Variants in CCND3 observed in about 807,000 individuals in gnomAD.
CCND3 encodes the protein G1/S-specific cyclin-D3.
A neutral mutation model predicts 28.7 loss-of-function variants in CCND3; 9 were observed. The ratio of observed to expected loss-of-function variants is 0.31; its 90% CI spans 0.19 to 0.55. The LOEUF is 0.55. Among genes scored for constraint, CCND3 ranks in the 20% least tolerant of loss-of-function variants. The pLI is 0.93. For missense variants in CCND3, 315 were observed against 385.8 expected (o/e 0.82, Z 1.54); for synonymous variants, 164 against 163.9 (o/e 1.00, Z 0.00).
At chr6:41,972,220 T>C (rs1762050532) in intron 1 of CCND3, among the ~76,000 whole-genome samples, 1 of 33,330 alleles carries the variant, frequency 3.0e-5, no homozygotes, top group East Asian at 7.6e-4. Context: ...AGAGCGAGAC[T>C]CCATCTCAAA....
At chr6:41,999,974 A>G (rs1386917019) in intron 1 of CCND3, among the ~76,000 whole-genome samples, 2 of 152,098 alleles carry the variant, frequency 1.3e-5, no homozygotes, top group Admixed American at 6.6e-5. Flanking sequence ...GGCACACAAA[A>G]TTCGGTAGGG....
chr6:41,949,084 C>T (rs1453816755), intron 1 of CCND3, among the ~76,000 whole-genome samples: 1 of 152,182 alleles, frequency 6.6e-6, no homozygotes, highest in Non-Finnish European at 1.5e-5. Flanking sequence ...CATGATGGCT[C>T]ACGCCTGCAA....
At chr6:41,967,594 G>A (rs970909630) in intron 1 of CCND3, among the ~76,000 whole-genome samples, 16 of 152,170 alleles carry the variant, frequency 1.1e-4, no homozygotes, top group African/African-American at 3.4e-4. Flanking sequence ...CAACGCTTCC[G>A]GGTAGAGCCC....
intron 1 of CCND3, among the ~76,000 whole-genome samples, chr6:42,016,269 T>G (rs2127430677): frequency 6.6e-6 from 1 of 152,320 alleles, no homozygotes; most frequent in South Asian, 2.1e-4. Flanking sequence ...GTCACCATGT[T>G]GTACGATACG....
At chr6:41,984,682 C>T (rs568792100) in intron 1 of CCND3, among the ~76,000 whole-genome samples, 30 of 152,264 alleles carry the variant, frequency 2.0e-4, no homozygotes, top group African/African-American at 7.0e-4. Flanking sequence ...AAGGAATCAC[C>T]ATACTTTCCT....
chr6:42,044,227 G>A (rs1764458930), intron 1 of CCND3, among the ~76,000 whole-genome samples: 1 of 152,258 alleles, frequency 6.6e-6, no homozygotes, highest in South Asian at 2.1e-4. Flanking sequence ...CACCTTTTAC[G>A]GGGGCTTTGC....
intron 1 of CCND3, among the ~76,000 whole-genome samples, chr6:41,987,813 T>G (rs528038577): frequency 6.6e-6 from 1 of 151,918 alleles, no homozygotes; most frequent in Admixed American, 6.6e-5. Context: ...CGGAATTTTT[T>G]TCTGAATGGT....
At chr6:42,024,972 C>T (rs775776431) in intron 1 of CCND3, among the ~76,000 whole-genome samples, 11 of 152,012 alleles carry the variant, frequency 7.2e-5, no homozygotes, top group African/African-American at 2.4e-4. Flanking sequence ...GCAGGAGAAT[C>T]GCTCGAACCC....
At chr6:42,040,844 C>A (rs1298069869) in intron 1 of CCND3, among the ~76,000 whole-genome samples, 1 of 150,264 alleles carries the variant, frequency 6.7e-6, no homozygotes, top group Non-Finnish European at 1.5e-5. Context: ...GAGCAAGACT[C>A]CATCTCAAAA....
intron 1 of CCND3, among the ~76,000 whole-genome samples, chr6:42,025,622 T>G (rs994660027): frequency 6.6e-6 from 1 of 152,204 alleles, no homozygotes; most frequent in African/African-American, 2.4e-5. Context: ...TCCGGCACTC[T>G]GGCCCATCCT....
chr6:41,936,469 T>G lies in CCND3; in HGVS notation c.711+90A>C. The G allele has an allele frequency of 1.4e-6, 2 of 1,445,486 alleles. No individual in the cohort carries two copies. The highest frequency in any genetic ancestry group is 1.9e-6 in the Non-Finnish European group (2 of 1,050,576). The allele number at this position is 1,445,486 out of a possible 1,614,324, so 89.5% of individuals were successfully genotyped here. On this transcript the variant is annotated intron_variant, in intron 4 of 4. Coordinates refer to ENST00000372991, the MANE Select transcript of CCND3 (RefSeq NM_001760.5). This position sits in a 1 kb window ranked among gnomAD's most constrained non-coding sequence, Gnocchi z 4.4. ...TGTGAAACCAGGACTTGGGACCAGG[T>G]TGGGGTTGGAGGTTTCCCTCTACTG... is the stretch of plus-strand genomic sequence containing the variant.
At chr6:42,049,996 T>A (rs1348261885), upstream of CCND3, 1 of 152,530 alleles carries the variant, frequency 6.6e-6, no homozygotes, top group Non-Finnish European at 1.5e-5. Flanking sequence ...GATTTTCATA[T>A]TAAAATAGGT....
At chr6:41,957,101 A>G (rs1337740408) in intron 1 of CCND3, among the ~76,000 whole-genome samples, 1 of 152,216 alleles carries the variant, frequency 6.6e-6, no homozygotes, top group Admixed American at 6.5e-5. Flanking sequence ...CCACACAAAC[A>G]ACTGGCAGAA....
chr6:41,971,785 G>T (rs1379102881), intron 1 of CCND3, among the ~76,000 whole-genome samples: 1 of 151,072 alleles, frequency 6.6e-6, no homozygotes, highest in Non-Finnish European at 1.5e-5. Context: ...TGATCCGCCC[G>T]CCTCGGCCTC....
chr6:41,981,887 G>A (rs1265910132), intron 1 of CCND3, among the ~76,000 whole-genome samples: 2 of 152,134 alleles, frequency 1.3e-5, no homozygotes, highest in African/African-American at 4.8e-5. Flanking sequence ...TGTAGTCCCA[G>A]CTACCCAAAA....
rs1775901209 is a variant in CCND3, at chr6:41,938,985, C to T, written c.414+1385G>A. 1.3e-5 allele frequency among the ~76,000 whole-genome samples: 2 copies of T among 152,178 alleles called. No homozygotes were observed. The highest frequency in any genetic ancestry group is 1.5e-5 in the Non-Finnish European group (1 of 68,026). On this transcript the variant is annotated intron_variant, in intron 2 of 4. Transcript: ENST00000372991. This position sits in a 1 kb window ranked among gnomAD's most constrained non-coding sequence, Gnocchi z 4.6. Reference sequence around the variant, plus strand: ...TTGCCTGTACTGAAAAACCCTCATACGTGGGCACACAAACCACCTCCATCT... The same window carrying T: ...TTGCCTGTACTGAAAAACCCTCATATGTGGGCACACAAACCACCTCCATCT...
chr6:41,936,796 A>C lies in CCND3; in HGVS notation c.575-101T>G. On this transcript the variant is annotated intron_variant, in intron 3 of 4. Transcript: ENST00000372991. This position sits in a 1 kb window ranked among gnomAD's most constrained non-coding sequence, Gnocchi z 4.4. ...GGAAAGTGCCAGGCAGCATGAGTAG[A>C]GCAGAGGACATGCTGGAAAACTCCA... is the stretch of plus-strand genomic sequence containing the variant. 8.0e-7 allele frequency: 1 copy of C among 1,251,352 alleles called. No homozygotes were observed. The allele number at this position is 1,251,352 out of a possible 1,614,324, so 77.5% of individuals were successfully genotyped here.
At chr6:41,978,901 G>T (rs1762252500) in intron 1 of CCND3, among the ~76,000 whole-genome samples, 1 of 152,120 alleles carries the variant, frequency 6.6e-6, no homozygotes, top group African/African-American at 2.4e-5. Context: ...ATCCTGGCTG[G>T]GTGGGGTGGC....
At chr6:41,967,352 C>T (rs1462083634) in intron 1 of CCND3, among the ~76,000 whole-genome samples, 1 of 152,144 alleles carries the variant, frequency 6.6e-6, no homozygotes, top group Non-Finnish European at 1.5e-5. Flanking sequence ...AGTAATTCAA[C>T]AAGCACTTAC....
Sources: gnomAD v4.1 joint callset for allele counts (sites outside exome capture counted in the v4.1 genomes callset) on GRCh38, gnomAD v4.1.1 for gene constraint, Gnocchi (gnomAD v3.1) non-coding constraint, MANE v1.5 for transcripts, NCBI Gene and HGNC (gene_info 2026-07-23, HGNC 2026-07-21) for gene names.